The following PRKCH variants were observed in gnomAD, a reference collection of about 807,000 sequenced individuals.
PRKCH encodes the protein protein kinase C eta, also known as protein kinase C eta type.
In PRKCH, 28 loss-of-function variants were observed where a neutral mutation model predicts 82.5. The observed-to-expected ratio is 0.34, with a 90% CI of 0.25 to 0.47. The LOEUF (loss-of-function observed/expected upper bound fraction) is 0.47, where lower values mean the gene tolerates loss of function less well. Ranked by LOEUF, PRKCH falls within the 20% of genes least tolerant of loss-of-function variation. PRKCH has a pLI of 1.00. For synonymous variants in PRKCH, 322 were observed against 327.4 expected (o/e 0.98, Z 0.18); for missense variants, 705 against 881.8 (o/e 0.80, Z 2.54).
chr14:61,258,135 C>T (rs1047836123), intron 1 of PRKCH, among the ~76,000 whole-genome samples: 1 of 152,070 alleles, frequency 6.6e-6, no homozygotes, highest in Admixed American at 6.6e-5. Flanking sequence ...GTAAATCAAA[C>T]TGAGACAAAT....
upstream of PRKCH, among the ~76,000 whole-genome samples, chr14:61,318,247 A>AT (rs993634387): frequency 6.0e-5 from 9 of 150,482 alleles, no homozygotes; most frequent in Non-Finnish European, 8.9e-5. Flanking sequence ...TAATTTTTAT[A>AT]TTTTTTTGTA....
In PRKCH at chr14:61,423,653, C is replaced by T. The variant is rs535267160; in HGVS notation, c.428-19458C>T. On this transcript the variant is annotated intron_variant, in intron 2 of 13. Coordinates refer to ENST00000332981, the MANE Select transcript of PRKCH (RefSeq NM_006255.5). ...GGTGAGGGCATCAGTTTGACAGGAACATAGGTTTGTTTGTGTAGGGGAGTG... is the reference window on the plus strand; with the variant it reads ...GGTGAGGGCATCAGTTTGACAGGAATATAGGTTTGTTTGTGTAGGGGAGTG... Among the ~76,000 whole-genome samples, 22 of 152,124 alleles carry T rather than the reference C, an allele frequency of 1.4e-4. No individual in the cohort carries two copies. The East Asian group carries it at 4.3e-3, about 29-fold the overall frequency.
At chr14:61,348,854 A>G (rs1043730301) in intron 1 of PRKCH, among the ~76,000 whole-genome samples, 1 of 152,240 alleles carries the variant, frequency 6.6e-6, no homozygotes, top group South Asian at 2.1e-4. Flanking sequence ...GACTGTAAGC[A>G]CCATGAGGGC....
chr14:61,399,990 G>T (rs1427252505), intron 2 of PRKCH, among the ~76,000 whole-genome samples: 1 of 152,134 alleles, frequency 6.6e-6, no homozygotes, highest in East Asian at 1.9e-4. Context: ...TTTGTCCTGG[G>T]GAGACAATGG....
chr14:61,200,759 ATTG>A (rs1457242934), intron 1 of PRKCH, among the ~76,000 whole-genome samples: 1 of 129,280 alleles, frequency 7.7e-6, no homozygotes, highest in African/African-American at 3.3e-5. Flanking sequence ...ATTACAATAT[ATTG>A]TTAAGTGTTC....
rs140656362 is a variant in PRKCH at position 61,428,424 on chromosome 14, G to T, written c.428-14687G>T. Among the ~76,000 whole-genome samples the T allele has an allele frequency of 1.4e-3, 215 of 152,202 alleles. 2 individuals are homozygous for T. Among genetic ancestry groups the T allele is most frequent in the African/African-American group, 4.2e-3 (174 of 41,504 alleles). ...TGTCTGACTCCCTCTTTGCGTCATGGCTTTCACTAGTTTTTCAGGGGTTTT... is the reference window on the plus strand; with the variant it reads ...TGTCTGACTCCCTCTTTGCGTCATGTCTTTCACTAGTTTTTCAGGGGTTTT... On this transcript the variant is annotated intron_variant, in intron 2 of 13. Transcript: ENST00000332981.
At chr14:61,439,566 G>T (rs746781622) in intron 2 of PRKCH, among the ~76,000 whole-genome samples, 1 of 152,278 alleles carries the variant, frequency 6.6e-6, no homozygotes, top group South Asian at 2.1e-4. Context: ...AAAGAGACAC[G>T]GCCCCAGGTC....
At chr14:61,230,919 A>AC (rs1304227909) in intron 1 of PRKCH, among the ~76,000 whole-genome samples, 1 of 152,186 alleles carries the variant, frequency 6.6e-6, no homozygotes, top group Non-Finnish European at 1.5e-5. Context: ...TATTTCTTCT[A>AC]CCCCAGGGTG....
rs1475398649 is a variant in PRKCH, at chr14:61,322,062, A to G, written c.-40A>G. The G allele has an allele frequency of 6.7e-7, 1 of 1,498,322 alleles. No homozygotes were observed. The highest frequency in any genetic ancestry group is 8.9e-7 in the Non-Finnish European group (1 of 1,118,740). 92.8% of individuals were successfully genotyped at this position (1,498,322 alleles called of 1,614,324 possible). A position where few individuals can be genotyped will look rare whatever the true frequency, so the allele number is the denominator to read the frequency against. On this transcript the variant is annotated 5_prime_UTR_variant, in exon 1 of 14. Coordinates refer to ENST00000332981, the MANE Select transcript of PRKCH (RefSeq NM_006255.5). ...CGGGACTCCCGGTTCTCCCGCTGCG[A>G]AGCAGCGCGGCCCCCCGGGGCCGGG...
In PRKCH at chr14:61,483,359, A is replaced by T. The variant is rs574518171; in HGVS notation, c.1279-2143A>T. Among the ~76,000 whole-genome samples, 43 of 152,316 alleles carry T rather than the reference A, an allele frequency of 2.8e-4. 2 individuals carry two copies. The South Asian group carries it at 8.7e-3, about 31-fold the overall frequency. On this transcript the variant is annotated intron_variant, in intron 9 of 13. Transcript: ENST00000332981. ...GCCTCTCCCCTTGTCAGTCACCCTC[A>T]AATGAAGGCCAGGAGCTTAGGCAGA...
At position 61,485,592 on chromosome 14, in the gene PRKCH, C is replaced by T. The variant is rs1284005245; in HGVS notation, c.1369C>T (p.Arg457Cys). The change falls in exon 10 of 14, where the codon CGC becomes TGC. Residue 457 changes from arginine (R) to cysteine (C), a missense_variant. Physicochemically the swap from Arg to Cys is radical, Grantham distance 180. Transcript: ENST00000332981. ...TCGTCGTTTTGATGAAGCACGAGCTCGCTTCTATGCTGCAGAAATCATTTC... is the reference window on the plus strand; with the variant it reads ...TCGTCGTTTTGATGAAGCACGAGCTTGCTTCTATGCTGCAGAAATCATTTC... The part of the protein sequence containing the change: ...KSRRFDEARA[R>C]FYAAEIISAL... 7 of 1,613,972 alleles carry T rather than the reference C, an allele frequency of 4.3e-6. No individual in the cohort carries two copies. The highest frequency in any genetic ancestry group is 2.7e-5 in the African/African-American group (2 of 74,896).
At chr14:61,234,053 T>G (rs1272451128) in intron 1 of PRKCH, among the ~76,000 whole-genome samples, 2 of 152,172 alleles carry the variant, frequency 1.3e-5, no homozygotes, top group East Asian at 3.8e-4. Flanking sequence ...AGCAAATACC[T>G]CTCCCTCAAT....
chr14:61,422,766 A>T (rs1490335634), intron 2 of PRKCH, among the ~76,000 whole-genome samples: 1 of 152,192 alleles, frequency 6.6e-6, no homozygotes, highest in Non-Finnish European at 1.5e-5. Context: ...ATTCTTACTT[A>T]CTGTGGGATA....
chr14:61,223,000 T>C (rs2044667202), intron 1 of PRKCH, among the ~76,000 whole-genome samples: 1 of 152,178 alleles, frequency 6.6e-6, no homozygotes, highest in Admixed American at 6.5e-5. Flanking sequence ...CCTTTGACTT[T>C]TAAAAAGGAG....
chr14:61,233,073 C>A (rs990267339), intron 1 of PRKCH, among the ~76,000 whole-genome samples: 1 of 152,154 alleles, frequency 6.6e-6, no homozygotes, highest in Non-Finnish European at 1.5e-5. Flanking sequence ...TTACCAGAAA[C>A]CAATTCAATT....
chr14:61,326,435 G>T (rs964022060), intron 1 of PRKCH, among the ~76,000 whole-genome samples: 1 of 152,162 alleles, frequency 6.6e-6, no homozygotes, highest in African/African-American at 2.4e-5. Context: ...GAGAGTGGAG[G>T]TAAGGGAGGT....
At chr14:61,462,402 A>G (rs974879831) in intron 9 of PRKCH, among the ~76,000 whole-genome samples, 27 of 152,162 alleles carry the variant, frequency 1.8e-4, no homozygotes, top group African/African-American at 5.8e-4. Context: ...AAAAGAAAAG[A>G]AAAAAAAGCA....
intron 2 of PRKCH, among the ~76,000 whole-genome samples, chr14:61,403,099 C>T (rs540100055): frequency 1.3e-5 from 2 of 151,968 alleles, no homozygotes; most frequent in African/African-American, 4.8e-5. Context: ...GCCACTCTCT[C>T]TATCTTTGGG....
intron 2 of PRKCH, among the ~76,000 whole-genome samples, chr14:61,439,946 T>G (rs894146348): frequency 6.6e-6 from 1 of 152,220 alleles, no homozygotes. Flanking sequence ...AACATGCAAG[T>G]GGGCTGGTCT....
Sources: gnomAD v4.1 joint callset for allele counts (sites outside exome capture counted in the v4.1 genomes callset) on GRCh38, gnomAD v4.1.1 for gene constraint, MANE v1.5 for transcripts, NCBI Gene and HGNC (gene_info 2026-07-23, HGNC 2026-07-21) for gene names.